ZPBP: variants seen among roughly 807,000 people sequenced by gnomAD.
The protein encoded by ZPBP is zona pellucida binding protein.
Under a neutral mutation model 44.8 loss-of-function variants are expected in ZPBP, and 26 were observed. The observed-to-expected ratio is 0.58, with a 90% confidence interval of 0.43 to 0.81. ZPBP has a LOEUF of 0.81. Among genes scored for constraint, ZPBP ranks in the 30% least tolerant of loss-of-function variants. ZPBP has a pLI of 0.00. For missense variants in ZPBP, 409 were observed against 434.0 expected, an observed-to-expected ratio of 0.94 and a Z score of 0.51; for synonymous variants, 174 against 153.2, an observed-to-expected ratio of 1.14 and a Z score of -1.00.
intron 7 of ZPBP, among the ~76,000 whole-genome samples, chr7:49,962,148 C>G (rs1354904686): frequency 1.3e-5 from 2 of 151,824 alleles, no homozygotes; most frequent in African/African-American, 4.8e-5. Flanking sequence ...CAACTCATTT[C>G]TGAAACAGCA....
At chr7:49,988,366 C>T (rs1286908795) in intron 6 of ZPBP, among the ~76,000 whole-genome samples, 1 of 151,990 alleles carries the variant, frequency 6.6e-6, no homozygotes, top group South Asian at 2.1e-4. Flanking sequence ...CTACAGAGGG[C>T]CCCTGGAGCA....
chr7:49,851,532 A>G (rs1056940693), intron 2 of ZPBP, among the ~76,000 whole-genome samples: 1 of 152,228 alleles, frequency 6.6e-6, no homozygotes, highest in Non-Finnish European at 1.5e-5. Flanking sequence ...GTGAGTGAAC[A>G]GAGTCCAGGC....
chr7:50,037,374 CT>C (rs1554378972), intron 4 of ZPBP, among the ~76,000 whole-genome samples: 1 of 152,188 alleles, frequency 6.6e-6, no homozygotes, highest in Non-Finnish European at 1.5e-5. Context: ...CGTTCTCACA[CT>C]GCTATAAAGA....
At chr7:50,038,253 A>T (rs1799909305) in intron 4 of ZPBP, among the ~76,000 whole-genome samples, 1 of 152,182 alleles carries the variant, frequency 6.6e-6, no homozygotes, top group Non-Finnish European at 1.5e-5. Flanking sequence ...CAGGCTGCAG[A>T]ACAGAAAGCT....
At chr7:49,876,021 A>T (rs1348583815) in intron 2 of ZPBP, among the ~76,000 whole-genome samples, 1 of 152,194 alleles carries the variant, frequency 6.6e-6, no homozygotes, top group African/African-American at 2.4e-5. Flanking sequence ...CCCAGGCAAT[A>T]TTCTCAAAAA....
At chr7:49,891,864 T>A (rs1234801347) in intron 2 of ZPBP, among the ~76,000 whole-genome samples, 1 of 152,144 alleles carries the variant, frequency 6.6e-6, no homozygotes, top group African/African-American at 2.4e-5. Flanking sequence ...TACTCTAACT[T>A]TCTGCTATTG....
chr7:49,944,388 T>A (rs1031889090), intron 7 of ZPBP: 19 of 197,202 alleles, frequency 9.6e-5, no homozygotes, highest in African/African-American at 4.5e-4. Context: ...GGGTTTGTGC[T>A]GGCATCGAAG....
chr7:49,978,002 GA>G, intron 7 of ZPBP, among the ~76,000 whole-genome samples: 1 of 150,080 alleles, frequency 6.7e-6, no homozygotes, highest in East Asian at 1.9e-4. Flanking sequence ...AGTTTAAAGA[GA>G]AAAAAATAGG....
chr7:49,842,435 G>A, the ZPBP span, among the ~76,000 whole-genome samples: 1 of 152,144 alleles, frequency 6.6e-6, no homozygotes, highest in Non-Finnish European at 1.5e-5. Context: ...ACTGAAGTCA[G>A]TATAGGGGAG....
intron 2 of ZPBP, among the ~76,000 whole-genome samples, chr7:49,890,638 G>A (rs1792086947): frequency 6.6e-6 from 1 of 151,900 alleles, no homozygotes. Flanking sequence ...GCTACTTTTA[G>A]CCATGATGGA....
At chr7:49,994,267 C>T (rs934914643) in intron 6 of ZPBP, among the ~76,000 whole-genome samples, 4 of 152,136 alleles carry the variant, frequency 2.6e-5, no homozygotes, top group African/African-American at 9.7e-5. Context: ...TTTGGGTGGT[C>T]CTGCATATTG....
At chr7:49,846,408 C>T (rs1056967048), downstream of ZPBP, among the ~76,000 whole-genome samples, 1 of 152,180 alleles carries the variant, frequency 6.6e-6, no homozygotes, top group Non-Finnish European at 1.5e-5. Flanking sequence ...GGGCTCCAGC[C>T]CTGTGGGACA....
At chr7:49,872,915 C>CAAAAAAAAAAAAAAAAAAAAAAAAAA (rs61473396) in intron 2 of ZPBP, among the ~76,000 whole-genome samples, 1 of 33,960 alleles carries the variant, frequency 2.9e-5, no homozygotes, top group Admixed American at 4.8e-4. Flanking sequence ...GACTTTGTCT[C>CAAAAAAAAAAAAAAAAAAAAAAAAAA]AAAAAAAAAA....
intron 3 of ZPBP, among the ~76,000 whole-genome samples, chr7:50,078,043 G>A (rs1264976082): frequency 6.6e-6 from 1 of 151,774 alleles, no homozygotes; most frequent in African/African-American, 2.4e-5. Context: ...TATACACAAT[G>A]GAGTACTGTT....
At chr7:49,945,964 T>C (rs1247804987) in intron 7 of ZPBP, among the ~76,000 whole-genome samples, 1 of 152,088 alleles carries the variant, frequency 6.6e-6, no homozygotes, top group Non-Finnish European at 1.5e-5. Context: ...TGGTGGTATA[T>C]GTACATATCC....
At chr7:49,889,030 C>T (rs1242303206) in intron 2 of ZPBP, among the ~76,000 whole-genome samples, 1 of 152,234 alleles carries the variant, frequency 6.6e-6, no homozygotes, top group South Asian at 2.1e-4. Context: ...CTGGACCACA[C>T]TGACAGGCTG....
chr7:50,061,495 G>A (rs913620244), intron 3 of ZPBP, among the ~76,000 whole-genome samples: 1 of 152,156 alleles, frequency 6.6e-6, no homozygotes, highest in Non-Finnish European at 1.5e-5. Flanking sequence ...GAGGCCATGA[G>A]TTCAAGGCTA....
chr7:49,851,295 A>T (rs771218653), intron 2 of ZPBP, among the ~76,000 whole-genome samples: 1 of 152,008 alleles, frequency 6.6e-6, no homozygotes, highest in South Asian at 2.1e-4. Flanking sequence ...GACCCTTCTT[A>T]ATTACATTTG....
intron 2 of ZPBP, among the ~76,000 whole-genome samples, chr7:49,885,135 G>A (rs891217191): frequency 6.6e-6 from 1 of 151,962 alleles, no homozygotes; most frequent in Non-Finnish European, 1.5e-5. Flanking sequence ...ATCTCTAAAG[G>A]AGAAACAGAA....
Sources: gnomAD v4.1 joint callset for allele counts (sites outside exome capture counted in the v4.1 genomes callset) on GRCh38, gnomAD v4.1.1 for gene constraint, MANE v1.5 for transcripts, NCBI Gene and HGNC (gene_info 2026-07-23, HGNC 2026-07-21) for gene names.